ITGAX: variants seen among roughly 807,000 people sequenced by gnomAD.
ITGAX encodes integrin alpha-X.
ITGAX carries 99 observed loss-of-function variants against 140.2 expected under a neutral mutation model. The observed-to-expected ratio is 0.71, with a 90% confidence interval of 0.60 to 0.83. The LOEUF (loss-of-function observed/expected upper bound fraction) is 0.83, where lower values mean the gene tolerates loss of function less well. ITGAX is among the 40% of genes least tolerant of loss of function. The pLI, the probability that ITGAX is intolerant of heterozygous loss-of-function variation, is 0.00. For missense variants in ITGAX, 1,444 were observed against 1,482.0 expected, an observed-to-expected ratio of 0.97 and a Z score of 0.42; for synonymous variants, 631 against 600.4, an observed-to-expected ratio of 1.05 and a Z score of -0.75.
At chr16:31,371,866 G>A in intron 17 of ITGAX, 82 bp downstream of exon 17, 7 of 1,515,274 alleles carry the variant, frequency 4.6e-6, no homozygotes, top group Non-Finnish European at 6.2e-6. Context: ...CTGTGTTCCG[G>A]CCTCCCTGTG....
In ITGAX at chr16:31,360,380, G is replaced by A; in HGVS notation, c.778G>A (p.Gly260Arg). Residue 260 changes from glycine (G) to arginine (R), a missense_variant, in exon 8 of 30, where the codon GGG becomes AGG. Physicochemically the swap from Gly to Arg is moderately radical, Grantham distance 125. Coordinates refer to ENST00000268296, the MANE Select transcript of ITGAX (RefSeq NM_000887.5). ...AAKILIVITD[G>R]KKEGDSLDYK... ...CAAAATTCTCATTGTCATCACTGAT[G>A]GGAAGAAAGAAGGCGACAGCCTGGA... 1 of 1,614,028 alleles carries A rather than the reference G, an allele frequency of 6.2e-7. No individual in the cohort carries two copies. Among genetic ancestry groups the A allele is most frequent in the Non-Finnish European group, 8.5e-7 (1 of 1,179,966 alleles).
chr16:31,361,467 C>T (rs779970938), intron 9 of ITGAX: 5 of 672,628 alleles, frequency 7.4e-6, no homozygotes. Flanking sequence ...CACTGCAGAA[C>T]AAAAAGCAGT....
intron 1 of ITGAX, 69 bp from the exon 2 acceptor site, chr16:31,355,824 C>A: frequency 8.1e-7 from 1 of 1,233,938 alleles, no homozygotes; most frequent in East Asian, 2.4e-5. Context: ...GACGCTGGGG[C>A]CGGGGGTGGA....
Position 31,363,075 on chromosome 16 carries a change from G to T in ITGAX, c.1500G>T (p.Gly500=). Residue 500 remains glycine (G), a splice_region_variant and synonymous_variant, in exon 13 of 30, where the codon GGG becomes GGT. Coordinates refer to ENST00000268296, the MANE Select transcript of ITGAX (RefSeq NM_000887.5). ...TGTCTGTGTGTCCCTTGCCCAGGGG[G>T]GTGAGTGGCTGATGGGCCTGGGGTG... ...GQVSVCPLPR[G]WRRWWCDAVL... The T allele has an allele frequency of 3.7e-6, 6 of 1,609,838 alleles. No homozygotes were observed. The highest frequency in any genetic ancestry group is 5.1e-6 in the Non-Finnish European group (6 of 1,178,460).
intron 14 of ITGAX, among the ~76,000 whole-genome samples, chr16:31,363,696 C>T (rs1022632428): frequency 2.0e-5 from 3 of 152,238 alleles, no homozygotes; most frequent in Non-Finnish European, 4.4e-5. Flanking sequence ...CTGCCTGTCT[C>T]GGCCTCCCAA....
Position 31,362,664 on chromosome 16 carries a change from G to T in ITGAX, c.1270G>T (p.Ala424Ser). ...WKGVQSLVLG[A>S]PRYQHTGKAV... ...AGGGGTGCAGAGCCTGGTCCTGGGG[G>T]CCCCCCGCTACCAGCACACCGGGAA... The change falls in exon 12 of 30, where the codon GCC (alanine) becomes TCC (serine). Residue 424 changes from alanine to serine, a missense_variant. Physicochemically the swap from Ala to Ser is moderately conservative, Grantham distance 99. Transcript: ENST00000268296. 6.2e-7 allele frequency: 1 copy of T among 1,613,606 alleles called. No individual in the cohort carries two copies. The highest frequency in any genetic ancestry group is 1.1e-5 in the South Asian group (1 of 91,068).
intron 9 of ITGAX, 157 bp downstream of exon 9, chr16:31,361,370 TC>T: frequency 1.1e-6 from 1 of 871,600 alleles, no homozygotes; most frequent in Non-Finnish European, 1.8e-6. Context: ...CCCACTGACG[TC>T]CCCCAGCACT....
chr16:31,382,370 T>G lies in ITGAX; in HGVS notation c.*463T>G. 1 of 1,412,386 alleles carries G rather than the reference T, an allele frequency of 7.1e-7. No homozygotes were observed. The highest frequency in any genetic ancestry group is 9.6e-7 in the Non-Finnish European group (1 of 1,038,140). 87.5% of individuals were successfully genotyped at this position (1,412,386 alleles called of 1,614,324 possible). A position where few individuals can be genotyped will look rare whatever the true frequency, so the allele number is the denominator to read the frequency against. ...AAGTAATTCTGCTGTCTCAGCCTCC[T>G]GAGTAGCTGGGACTACAGGCACACG... On this transcript the variant is annotated 3_prime_UTR_variant, in exon 30 of 30. Coordinates refer to ENST00000268296, the MANE Select transcript of ITGAX (RefSeq NM_000887.5).
Position 31,357,066 on chromosome 16 carries a change from T to A in ITGAX, c.283T>A (p.Ser95Thr). 1 of 1,610,236 alleles carries A rather than the reference T, an allele frequency of 6.2e-7. No homozygotes were observed. ...PEAVNMSLGLSLASTTSPSQL... is the reference protein window; with the variant it reads ...PEAVNMSLGLTLASTTSPSQL... ...GGCCGTGAACATGTCCCTGGGCCTGTCCCTGGCGTCTACCACCAGCCCTTC... is the reference window on the plus strand; with the variant it reads ...GGCCGTGAACATGTCCCTGGGCCTGACCCTGGCGTCTACCACCAGCCCTTC... The change falls in exon 4 of 30, where the codon TCC (serine) becomes ACC (threonine). Residue 95 changes from serine (S) to threonine (T), a missense_variant. Ser to Thr is a moderately conservative substitution (Grantham distance 58). Transcript: ENST00000268296.
rs2080788168 is a variant in ITGAX, at chr16:31,358,679, A to G, written c.431-1021A>G. On this transcript the variant is annotated intron_variant, in intron 5 of 29. Coordinates refer to ENST00000268296, the MANE Select transcript of ITGAX (RefSeq NM_000887.5). ...CAAACACTGGCTAGGGACTGGTGCC[A>G]GTTTGTGTCATTGCTGGATGGGGTG... 2.2e-5 allele frequency among the ~76,000 whole-genome samples: 3 copies of G among 135,346 alleles called. No individual in the cohort carries two copies. The Admixed American group carries it at 2.2e-4, about 10-fold the overall frequency. 88.8% of individuals were successfully genotyped at this position (135,346 alleles called of 152,430 possible).
At position 31,360,352 on chromosome 16, in the gene ITGAX, C is replaced by T. The variant is rs775201614; in HGVS notation, c.750C>T (p.Ala250=). The T allele has an allele frequency of 1.6e-5, 26 of 1,613,872 alleles. No individual in the cohort carries two copies. In the South Asian group the frequency reaches 1.6e-4, roughly 10 times the overall value. The change falls in exon 8 of 30, where the codon GCC becomes GCT. Residue 250 remains alanine, a synonymous_variant. Coordinates refer to ENST00000268296, the MANE Select transcript of ITGAX (RefSeq NM_000887.5). The stretch of plus-strand genomic sequence containing the variant: ...CCTCATATGGGGCCCGTAGGGATGC[C>T]GCCAAAATTCTCATTGTCATCACTG... ...FHASYGARRD[A]AKILIVITDG...
rs371535094 is a variant in ITGAX, at chr16:31,376,310, T to C, written c.2509-489T>C. Reference sequence around the variant, plus strand: ...TTGGAAGAAAGTTTGACCAGATAGCTATGGGGGAGCTTTTAAAAACGTAAC... The same window carrying C: ...TTGGAAGAAAGTTTGACCAGATAGCCATGGGGGAGCTTTTAAAAACGTAAC... On this transcript the variant is annotated intron_variant, in intron 20 of 29. Transcript: ENST00000268296. Among the ~76,000 whole-genome samples the C allele has an allele frequency of 2.6e-5, 4 of 152,294 alleles. No individual in the cohort carries two copies. In the East Asian group the frequency reaches 7.7e-4, roughly 29 times the overall value.
intron 14 of ITGAX, chr16:31,370,005 G>A (rs1208798594): frequency 6.6e-6 from 1 of 152,074 alleles, no homozygotes; most frequent in Non-Finnish European, 1.5e-5. Context: ...ACCCAGACTG[G>A]AGCACAGTGG....
At chr16:31,360,114 C>A (rs767016350) in intron 7 of ITGAX, 49 bp downstream of exon 7, 2 of 1,600,696 alleles carry the variant, frequency 1.2e-6, no homozygotes, top group East Asian at 4.5e-5. Flanking sequence ...CCAGGTCTTC[C>A]CTTGGGCCTC....
In ITGAX at chr16:31,371,614, C is replaced by T; in HGVS notation, c.2006-16C>T. 1.2e-6 allele frequency: 2 copies of T among 1,613,802 alleles called. No individual in the cohort carries two copies. The highest frequency in any genetic ancestry group is 1.7e-6 in the Non-Finnish European group (2 of 1,179,780). Reference sequence around the variant, plus strand: ...AGGAGTTCCTGTCTCAACGCCGTCCCTGCGACCGCCTACAGGTGACCTCCA... The same window carrying T: ...AGGAGTTCCTGTCTCAACGCCGTCCTTGCGACCGCCTACAGGTGACCTCCA... On this transcript the variant is annotated splice_polypyrimidine_tract_variant and intron_variant, in intron 16 of 29. Transcript: ENST00000268296.
In ITGAX at chr16:31,356,889, A is replaced by C. The variant is rs558648760; in HGVS notation, c.248-142A>C. 2.4e-5 allele frequency: 20 copies of C among 835,304 alleles called. No homozygotes were observed. The East Asian group carries it at 4.4e-4, about 18-fold the overall frequency. The allele number at this position is 835,304 out of a possible 1,614,324, so 51.7% of individuals were successfully genotyped here. A position where few individuals can be genotyped will look rare whatever the true frequency, so the allele number is the denominator to read the frequency against. On this transcript the variant is annotated intron_variant, in intron 3 of 29. Transcript: ENST00000268296. ...CCCTTAAGGCCTCCCCGCCCATCGC[A>C]CTCCCGCAGCTCTGTCAAGACCCGA...
intron 14 of ITGAX, 95 bp downstream of exon 14, chr16:31,363,469 A>T (rs1431489093): frequency 1.4e-6 from 2 of 1,404,454 alleles, no homozygotes; most frequent in Non-Finnish European, 2.0e-6. Flanking sequence ...ACCTTTTCCT[A>T]CCTCCCTTGC....
In ITGAX at chr16:31,380,000, T is replaced by C. The variant is rs773831869; in HGVS notation, c.2995T>C (p.Ser999Pro). The C allele has an allele frequency of 6.8e-6, 11 of 1,614,114 alleles. No homozygotes were observed. Among genetic ancestry groups the C allele is most frequent in the Non-Finnish European group, 9.3e-6 (11 of 1,179,986 alleles). ...CCCCCAGAACCCATCCCTTCGGTGC[T>C]CCTCAGAGAAAATCGCACCCCCAGC... ...SHPQNPSLRC[S>P]SEKIAPPASD... The change falls in exon 26 of 30, where the codon TCC becomes CCC. Residue 999 changes from serine to proline, a missense_variant. Ser to Pro is a moderately conservative substitution (Grantham distance 74). Coordinates refer to ENST00000268296, the MANE Select transcript of ITGAX (RefSeq NM_000887.5).
chr16:31,371,361 G>C lies in ITGAX; in HGVS notation c.1869G>C (p.Val623=). 1 of 1,614,190 alleles carries C rather than the reference G, an allele frequency of 6.2e-7. No individual in the cohort carries two copies. Among genetic ancestry groups the C allele is most frequent in the South Asian group, 1.1e-5 (1 of 91,078 alleles). The change falls in exon 16 of 30, where the codon GTG becomes GTC. Residue 623 remains valine, a synonymous_variant. Coordinates refer to ENST00000268296, the MANE Select transcript of ITGAX (RefSeq NM_000887.5). ...CCAGACCTGTGCTCTGGGTGGGGGT[G>C]AGCATGCAGTTCATACCTGCCGAGA... ...LRTRPVLWVG[V]SMQFIPAEIP...
Sources: allele counts gnomAD v4.1 joint callset (sites outside exome capture counted in the v4.1 genomes callset), GRCh38; gene constraint gnomAD v4.1.1; transcripts MANE v1.5; gene names NCBI Gene and HGNC (gene_info 2026-07-23, HGNC 2026-07-21).